The following FAT3 variants were observed in gnomAD, a reference collection of about 807,000 sequenced individuals.
The protein encoded by FAT3 is FAT atypical cadherin 3, also known as protocadherin Fat 3.
FAT3 carries 95 observed loss-of-function variants against 310.2 expected under a neutral mutation model. That is an observed-to-expected ratio of 0.31 (90% CI 0.26 to 0.36). FAT3 has a LOEUF of 0.36. Ranked by LOEUF, FAT3 falls within the 10% of genes least tolerant of loss-of-function variation. The pLI is 1.00. For synonymous variants in FAT3, 2,314 were observed against 2,192.9 expected (o/e 1.06, Z -1.54); for missense variants, 5,408 against 5,715.6 (o/e 0.95, Z 1.74).
chr11:92,410,352 G>A (rs570884971), intron 2 of FAT3, among the ~76,000 whole-genome samples: 1 of 152,076 alleles, frequency 6.6e-6, no homozygotes, highest in East Asian at 1.9e-4. Context: ...CGGAGAGAGA[G>A]AGAGAGACCA....
intron 3 of FAT3, among the ~76,000 whole-genome samples, chr11:92,689,972 C>T (rs921185750): frequency 7.9e-5 from 12 of 152,176 alleles, no homozygotes; most frequent in African/African-American, 2.9e-4. Flanking sequence ...CTTGCCTGAA[C>T]CTTAGAACTC....
At chr11:92,715,023 T>C (rs1944636196) in intron 4 of FAT3, among the ~76,000 whole-genome samples, 1 of 151,714 alleles carries the variant, frequency 6.6e-6, no homozygotes, top group Admixed American at 6.6e-5. Flanking sequence ...TTTTGTTACA[T>C]GGATTTGGGA....
chr11:92,399,108 A>T (rs1009432044), intron 2 of FAT3, among the ~76,000 whole-genome samples: 1 of 152,204 alleles, frequency 6.6e-6, no homozygotes, highest in Non-Finnish European at 1.5e-5. Context: ...TAATTCAGTG[A>T]AAGTGTGGGA....
chr11:92,319,458 G>T (rs1947551674), intron 1 of FAT3, among the ~76,000 whole-genome samples: 1 of 152,124 alleles, frequency 6.6e-6, no homozygotes, highest in South Asian at 2.1e-4. Context: ...ATAAACCATT[G>T]TTTCTTCAAC....
chr11:92,806,337 A>G, intron 11 of FAT3, 25 bp from the exon 12 acceptor site: 1 of 1,579,444 alleles, frequency 6.3e-7, no homozygotes. Flanking sequence ...TAATGATTTT[A>G]TTACCTTTCT....
intron 2 of FAT3, among the ~76,000 whole-genome samples, chr11:92,466,386 AGGGTGT>A (rs980761876): frequency 1.9e-4 from 29 of 152,248 alleles, no homozygotes; most frequent in African/African-American, 7.0e-4. Context: ...CCAAAATTGA[AGGGTGT>A]ACTTAAAAAG....
At chr11:92,823,359 GA>G (rs1049603989) in intron 13 of FAT3, among the ~76,000 whole-genome samples, 2 of 152,200 alleles carry the variant, frequency 1.3e-5, no homozygotes, top group African/African-American at 4.8e-5. Flanking sequence ...ATAGATAGTT[GA>G]AAAAGTTTAA....
intron 22 of FAT3, among the ~76,000 whole-genome samples, chr11:92,868,439 G>T (rs1565664525): frequency 1.3e-5 from 2 of 152,146 alleles, no homozygotes; most frequent in Non-Finnish European, 2.9e-5. Context: ...GGTTGTTATG[G>T]TGCCATAATT....
intron 4 of FAT3, among the ~76,000 whole-genome samples, chr11:92,757,864 C>T (rs1015957611): frequency 6.6e-6 from 1 of 152,130 alleles, no homozygotes; most frequent in Non-Finnish European, 1.5e-5. Flanking sequence ...GATGAATGTC[C>T]ACAAAAGTGA....
At chr11:92,260,151 C>G (rs944942425) in intron 1 of FAT3, among the ~76,000 whole-genome samples, 3 of 152,088 alleles carry the variant, frequency 2.0e-5, no homozygotes, top group Non-Finnish European at 4.4e-5. Flanking sequence ...TGGCTGTAGC[C>G]CCTTTCCTCT....
chr11:92,577,978 C>T (rs1215461895), intron 3 of FAT3, among the ~76,000 whole-genome samples: 1 of 151,980 alleles, frequency 6.6e-6, no homozygotes, highest in East Asian at 1.9e-4. Flanking sequence ...CTAGAAAATA[C>T]ATACACTGAA....
At chr11:92,247,678 G>T (rs527333665) in intron 1 of FAT3, among the ~76,000 whole-genome samples, 1 of 150,772 alleles carries the variant, frequency 6.6e-6, no homozygotes, top group East Asian at 1.9e-4. Flanking sequence ...TATTATGGCT[G>T]ACTTCTTTGC....
chr11:92,355,350 T>C lies in FAT3; in HGVS notation c.3238T>C (p.Tyr1080His). Residue 1080 changes from tyrosine to histidine, a missense_variant, in exon 2 of 28, where the codon TAC becomes CAC. Tyr to His is a moderately conservative substitution (Grantham distance 83, BLOSUM62 2). Coordinates refer to ENST00000525166, the MANE Select transcript of FAT3 (RefSeq NM_001367949.2). The stretch of plus-strand genomic sequence containing the variant: ...CTCCGGAAGGGATGGAGAGATCCAG[T>C]ACTCCATCAGGGATGGCAGTGGTCT... The part of the protein sequence containing the change: ...EDSGRDGEIQ[Y>H]SIRDGSGLGR... The C allele has an allele frequency of 6.2e-7, 1 of 1,613,778 alleles. No homozygotes were observed. The highest frequency in any genetic ancestry group is 8.5e-7 in the Non-Finnish European group (1 of 1,179,784).
chr11:92,447,119 CTAAG>C lies in FAT3; in HGVS notation c.3293-77511_3293-77508del, dbSNP rs561897354. ...CCTAATAATTGTTATTAAATATCCTCTAAGTAACTGAAAATGATACACGTGTGTG... is the reference window on the plus strand; with the variant it reads ...CCTAATAATTGTTATTAAATATCCTCTAACTGAAAATGATACACGTGTGTG... On this transcript the variant is annotated intron_variant, in intron 2 of 27. Transcript: ENST00000525166. 1.4e-3 allele frequency among the ~76,000 whole-genome samples: 207 copies of C among 151,722 alleles called. 1 individual carries two copies. Among genetic ancestry groups the C allele is most frequent in the African/African-American group, 4.8e-3 (198 of 41,190 alleles).
intron 1 of FAT3, among the ~76,000 whole-genome samples, chr11:92,304,606 G>A (rs1429054991): frequency 2.0e-5 from 3 of 152,096 alleles, no homozygotes; most frequent in Non-Finnish European, 4.4e-5. Context: ...GTTGTTTGTA[G>A]ATGTGAAGAG....
rs1209910781 is a variant in FAT3 at position 92,799,533 on chromosome 11, C to T, written c.6520C>T (p.Leu2174Phe). Reference protein sequence around the residue: ...GKPSLSTSVELPITIVNKAMP... With the variant: ...GKPSLSTSVEFPITIVNKAMP... ...ACCTTCTTTGTCTACATCTGTGGAGCTTCCCATCACTATTGTCAACAAAGC... is the reference window on the plus strand; with the variant it reads ...ACCTTCTTTGTCTACATCTGTGGAGTTTCCCATCACTATTGTCAACAAAGC... Residue 2174 changes from leucine to phenylalanine, a missense_variant, in exon 10 of 28, where the codon CTT becomes TTT. Physicochemically the swap from Leu to Phe is conservative, Grantham distance 22. Around this residue, in one of 5 missense-constraint regions of FAT3, gnomAD observed 4,588 missense variants for 4,809.8 expected, o/e 0.95. Transcript: ENST00000525166. 6.2e-6 allele frequency: 10 copies of T among 1,613,628 alleles called. No homozygotes were observed. Among genetic ancestry groups the T allele is most frequent in the African/African-American group, 1.3e-5 (1 of 74,906 alleles).
intron 4 of FAT3, among the ~76,000 whole-genome samples, chr11:92,733,555 G>A (rs1395838522): frequency 6.6e-6 from 1 of 152,142 alleles, no homozygotes; most frequent in Admixed American, 6.5e-5. Flanking sequence ...CATACATGCA[G>A]AGTTGGACAG....
At chr11:92,416,635 A>G (rs1006499340) in intron 2 of FAT3, among the ~76,000 whole-genome samples, 1 of 152,212 alleles carries the variant, frequency 6.6e-6, no homozygotes, top group African/African-American at 2.4e-5. Context: ...TTTATCGACT[A>G]AACAGCTCTG....
intron 2 of FAT3, among the ~76,000 whole-genome samples, chr11:92,398,067 C>G (rs1949918358): frequency 1.3e-5 from 2 of 152,066 alleles, no homozygotes; most frequent in South Asian, 2.1e-4. Flanking sequence ...TCTGACTGTT[C>G]TAAGGGAGAA....
Sources: allele counts gnomAD v4.1 joint callset (sites outside exome capture counted in the v4.1 genomes callset), GRCh38; gene constraint gnomAD v4.1.1; regional missense constraint gnomAD v4.1.1; transcripts MANE v1.5; gene names NCBI Gene and HGNC (gene_info 2026-07-23, HGNC 2026-07-21).